Variants in ENPP6 observed in about 807,000 individuals in gnomAD.
ENPP6 encodes ectonucleotide pyrophosphatase/phosphodiesterase 6, also known as glycerophosphocholine cholinephosphodiesterase ENPP6.
ENPP6 carries 32 observed loss-of-function variants against 42.0 expected under a neutral mutation model. That is an observed-to-expected ratio of 0.76 (90% confidence interval 0.58 to 1.02). The LOEUF is 1.02. ENPP6 is among the 50% of genes least tolerant of loss of function. The pLI is 0.00. For missense variants in ENPP6, 552 were observed against 566.8 expected (o/e 0.97, Z 0.27); for synonymous variants, 213 against 216.0 (o/e 0.99, Z 0.12).
At chr4:184,212,779 A>T (rs1457531426) in intron 1 of ENPP6, among the ~76,000 whole-genome samples, 4 of 151,974 alleles carry the variant, frequency 2.6e-5, no homozygotes, top group Non-Finnish European at 4.4e-5. Flanking sequence ...CCGTATCGCC[A>T]AGTCAATCCT....
At chr4:184,179,671 C>A (rs890332864) in intron 1 of ENPP6, among the ~76,000 whole-genome samples, 8 of 151,572 alleles carry the variant, frequency 5.3e-5, no homozygotes, top group Admixed American at 2.0e-4. Context: ...AAACCACAGT[C>A]TCTCAGACAA....
At chr4:184,131,144 T>A (rs80169263) in intron 2 of ENPP6, among the ~76,000 whole-genome samples, 5,673 of 43,526 alleles carry the variant, frequency 0.13, 345 homozygotes, top group African/African-American at 0.32. Flanking sequence ...GCACTTACTT[T>A]CTTTCTTTCT....
intron 2 of ENPP6, among the ~76,000 whole-genome samples, chr4:184,147,693 T>C (rs1288842267): frequency 6.6e-6 from 1 of 151,312 alleles, no homozygotes; most frequent in Non-Finnish European, 1.5e-5. Flanking sequence ...CCCACCTACT[T>C]AGGAAGCTGA....
At chr4:184,205,034 G>GA (rs897901231) in intron 1 of ENPP6, among the ~76,000 whole-genome samples, 1 of 152,024 alleles carries the variant, frequency 6.6e-6, no homozygotes, top group African/African-American at 2.4e-5. Context: ...GGGTTCAAGC[G>GA]ATTCTCCTGC....
Position 184,091,216 on chromosome 4 carries a change from G to A in ENPP6, c.1284C>T (p.His428=), listed in dbSNP as rs139807189. The A allele has an allele frequency of 1.3e-6, 2 of 1,598,870 alleles. No individual in the cohort carries two copies. Among genetic ancestry groups the A allele is most frequent in the Non-Finnish European group, 1.7e-6 (2 of 1,171,814 alleles). ...ASTAPPVWPS[H]CALALILLFL... ...AGAGAAGAATCAGTGCCAGGGCACA[G>A]TGGCTGGGCCAGACAGGCGGGGCAG... Residue 428 remains histidine, a synonymous_variant, in exon 8 of 8, where the codon CAC becomes CAT. Coordinates refer to ENST00000296741, the MANE Select transcript of ENPP6 (RefSeq NM_153343.4).
intron 1 of ENPP6, among the ~76,000 whole-genome samples, chr4:184,197,540 C>T (rs367980958): frequency 1.1e-4 from 16 of 152,338 alleles, no homozygotes; most frequent in African/African-American, 3.8e-4. Context: ...GAAACCTGCA[C>T]TTGGTGTGGT....
chr4:184,091,060 G>A lies in ENPP6; in HGVS notation c.*117C>T. ...TATCCAAGAATAATGTATTTACAAT[G>A]TGCATGGTCTTGATTGTGTTAATGA... On this transcript the variant is annotated 3_prime_UTR_variant, in exon 8 of 8. Transcript: ENST00000296741. 1.1e-6 allele frequency: 1 copy of A among 918,232 alleles called. No individual in the cohort carries two copies. The highest frequency in any genetic ancestry group is 1.6e-6 in the Non-Finnish European group (1 of 637,072). The allele number at this position is 918,232 out of a possible 1,614,324, so 56.9% of individuals were successfully genotyped here.
intron 1 of ENPP6, among the ~76,000 whole-genome samples, chr4:184,205,678 T>C (rs1732984533): frequency 6.6e-6 from 1 of 152,094 alleles, no homozygotes; most frequent in Non-Finnish European, 1.5e-5. Flanking sequence ...ACAGGGCTGC[T>C]CTAGTTGTGG....
chr4:184,138,330 A>T (rs1046010135), intron 2 of ENPP6, among the ~76,000 whole-genome samples: 5 of 152,256 alleles, frequency 3.3e-5, no homozygotes, highest in Non-Finnish European at 5.9e-5. Flanking sequence ...TGCCAAAATC[A>T]CACAGTGATC....
intron 1 of ENPP6, among the ~76,000 whole-genome samples, chr4:184,172,717 C>T (rs1480251466): frequency 1.3e-5 from 2 of 152,118 alleles, no homozygotes; most frequent in African/African-American, 4.8e-5. Context: ...AGTAATATGA[C>T]TTTAAAGGGT....
chr4:184,195,907 C>T (rs1732786396), intron 1 of ENPP6, among the ~76,000 whole-genome samples: 2 of 152,228 alleles, frequency 1.3e-5, no homozygotes, highest in African/African-American at 2.4e-5. Flanking sequence ...CTCTAATCCT[C>T]CACATCCAGC....
intron 1 of ENPP6, among the ~76,000 whole-genome samples, chr4:184,214,908 T>C (rs1393286325): frequency 3.9e-5 from 6 of 151,950 alleles, no homozygotes. Context: ...AGATGACGAG[T>C]TGACAGGTGC....
At chr4:184,207,519 G>C (rs1008112354) in intron 1 of ENPP6, among the ~76,000 whole-genome samples, 5 of 152,274 alleles carry the variant, frequency 3.3e-5, no homozygotes, top group South Asian at 2.1e-4. Flanking sequence ...CACTAAAACA[G>C]AAAGCATTCC....
intron 2 of ENPP6, among the ~76,000 whole-genome samples, chr4:184,131,666 T>C (rs1169826320): frequency 6.6e-6 from 1 of 151,880 alleles, no homozygotes; most frequent in Non-Finnish European, 1.5e-5. Flanking sequence ...GCCCTGCCTC[T>C]ACCAGCACTT....
rs936639462 is a variant in ENPP6, at chr4:184,091,336, G to C, written c.1164C>G (p.Val388=). 2.5e-6 allele frequency: 4 copies of C among 1,613,570 alleles called. No individual in the cohort carries two copies. The highest frequency in any genetic ancestry group is 3.4e-6 in the Non-Finnish European group (4 of 1,179,872). The part of the protein sequence containing the change: ...FRAAPIRSVD[V]YNVMCNVVGI... Reference sequence around the variant, plus strand: ...CCACCACATTGCACATGACATTGTAGACGTCCACCGACCTGATAGGAGCAG... The same window carrying C: ...CCACCACATTGCACATGACATTGTACACGTCCACCGACCTGATAGGAGCAG... The change falls in exon 8 of 8, where the codon GTC becomes GTG. Residue 388 remains valine, a synonymous_variant. Coordinates refer to ENST00000296741, the MANE Select transcript of ENPP6 (RefSeq NM_153343.4).
intron 5 of ENPP6, among the ~76,000 whole-genome samples, chr4:184,114,929 G>C (rs1005169838): frequency 2.0e-5 from 3 of 152,156 alleles, no homozygotes; most frequent in African/African-American, 7.2e-5. Context: ...GAGAACAAAG[G>C]ACTGTCCCCC....
chr4:184,095,709 T>C (rs1735890300), intron 7 of ENPP6, among the ~76,000 whole-genome samples: 1 of 151,676 alleles, frequency 6.6e-6, no homozygotes, highest in Non-Finnish European at 1.5e-5. Flanking sequence ...CCTGAGACTC[T>C]CACTTGTATA....
chr4:184,162,452 G>T (rs575551642), intron 1 of ENPP6, among the ~76,000 whole-genome samples: 1 of 152,010 alleles, frequency 6.6e-6, no homozygotes, highest in Non-Finnish European at 1.5e-5. Flanking sequence ...GGGAGAGTAA[G>T]TTATTTCAAC....
At chr4:184,106,063 ATCTC>A (rs1736086192) in intron 6 of ENPP6, among the ~76,000 whole-genome samples, 1 of 149,000 alleles carries the variant, frequency 6.7e-6, no homozygotes, top group Non-Finnish European at 1.5e-5. Context: ...TTGAGATGGA[ATCTC>A]TCTCTGTCTC....
Sources: gnomAD v4.1 joint callset for allele counts (sites outside exome capture counted in the v4.1 genomes callset) on GRCh38, gnomAD v4.1.1 for gene constraint, MANE v1.5 for transcripts, NCBI Gene and HGNC (gene_info 2026-07-23, HGNC 2026-07-21) for gene names.